TFCP2L1: variants seen among roughly 807,000 people sequenced by gnomAD.
TFCP2L1 encodes transcription factor CP2 like 1, also known as transcription factor CP2-like protein 1.
In TFCP2L1, 12 loss-of-function variants were observed where a neutral mutation model predicts 72.2. That is an observed-to-expected ratio of 0.17 (90% CI 0.11 to 0.27). The LOEUF is 0.27. Among genes scored for constraint, TFCP2L1 ranks in the 10% least tolerant of loss-of-function variants. The pLI, the probability that TFCP2L1 is intolerant of heterozygous loss-of-function variation, is 1.00. For missense variants in TFCP2L1, 488 were observed against 624.6 expected, an observed-to-expected ratio of 0.78 and a Z score of 2.33; for synonymous variants, 260 against 251.0, an observed-to-expected ratio of 1.04 and a Z score of -0.34.
At chr2:121,275,398 CAA>C (rs575514638) in intron 2 of TFCP2L1, among the ~76,000 whole-genome samples, 7 of 65,730 alleles carry the variant, frequency 1.1e-4, no homozygotes, top group Non-Finnish European at 1.0e-4. Context: ...GACTCCATCT[CAA>C]AAAAAAAAAA....
At chr2:121,283,054 T>C (rs1384668030) in intron 1 of TFCP2L1, among the ~76,000 whole-genome samples, 1 of 152,204 alleles carries the variant, frequency 6.6e-6, no homozygotes, top group Non-Finnish European at 1.5e-5. Context: ...GAGGATTGCA[T>C]AATTTCATGT....
Position 121,248,246 on chromosome 2 carries a change from A to G in TFCP2L1, c.422T>C (p.Leu141Ser). ...DIDIPLSVGI[L>S]DPRASPTQLN... ...CTGGGTCGGGCTGGCCCTGGGGTCC[A>G]AGATACCAACAGACAGTGGAATATC... The change falls in exon 5 of 15, where the codon TTG (leucine) becomes TCG (serine). Residue 141 changes from leucine to serine, a missense_variant. By Grantham distance (145) the Leu-to-Ser change is moderately radical (BLOSUM62 -2). Around this residue, in one of 3 missense-constraint regions of TFCP2L1, gnomAD observed 129 missense variants for 236.0 expected, o/e 0.55. Transcript: ENST00000263707. The G allele has an allele frequency of 6.2e-7, 1 of 1,614,040 alleles. No individual in the cohort carries two copies. Among genetic ancestry groups the G allele is most frequent in the Non-Finnish European group, 8.5e-7 (1 of 1,179,998 alleles).
chr2:121,269,918 A>AAAAAAAAAAAAAATATATAT lies in TFCP2L1; in HGVS notation c.214+11201_214+11202insATATATATTTTTTTTTTTTT. On this transcript the variant is annotated intron_variant, in intron 2 of 14. Transcript: ENST00000263707. ...AGCAAGACTCCATCTAAAAAAAAAA[A>AAAAAAAAAAAAAATATATAT]ATATATATATATATATATGCAAAAG... is the stretch of plus-strand genomic sequence containing the variant. Among the ~76,000 whole-genome samples the AAAAAAAAAAAAAATATATAT allele has an allele frequency of 7.8e-5, 9 of 115,160 alleles. No individual in the cohort carries two copies. In the South Asian group the frequency reaches 1.2e-3, roughly 16 times the overall value. The allele number at this position is 115,160 out of a possible 152,430, so 75.5% of individuals were successfully genotyped here.
chr2:121,282,640 G>T (rs1341448777), intron 1 of TFCP2L1, among the ~76,000 whole-genome samples: 27 of 152,158 alleles, frequency 1.8e-4, no homozygotes, highest in Admixed American at 1.8e-3. Flanking sequence ...CTTGTGTAAG[G>T]TCTCTAAATT....
Position 121,242,437 on chromosome 2 carries a change from G to T in TFCP2L1, c.690C>A (p.Asp230Glu), listed in dbSNP as rs776942618. ...CAGTTCTTTTCTCCATCTTCTCCCG[G>T]TCAGTCTTCTGTTTCCGATCGGCTC... ...PKGADRKQKT[D>E]REKMEKRTAQ... The change falls in exon 7 of 15, where the codon GAC (aspartate) becomes GAA (glutamate). Residue 230 changes from aspartate (D) to glutamate (E), a missense_variant. Asp to Glu is a conservative substitution (Grantham distance 45). This residue lies in a region of TFCP2L1 where 286 missense variants were observed against 329.0 expected (regional missense o/e 0.87). Coordinates refer to ENST00000263707, the MANE Select transcript of TFCP2L1 (RefSeq NM_014553.3). 1.2e-6 allele frequency: 2 copies of T among 1,614,102 alleles called. No homozygotes were observed. Among genetic ancestry groups the T allele is most frequent in the South Asian group, 2.2e-5 (2 of 91,068 alleles).
chr2:121,233,779 A>G (rs1242836092), intron 12 of TFCP2L1, among the ~76,000 whole-genome samples: 1 of 152,204 alleles, frequency 6.6e-6, no homozygotes, highest in Non-Finnish European at 1.5e-5. Flanking sequence ...GGAAACAAAA[A>G]GCTCCAGGGT....
intron 10 of TFCP2L1, 52 bp from the exon 11 acceptor site, chr2:121,235,363 C>G: frequency 6.3e-7 from 1 of 1,594,104 alleles, no homozygotes; most frequent in Non-Finnish European, 8.6e-7. Context: ...AGAGAAAGGG[C>G]TCGGTCCCCA....
intron 14 of TFCP2L1, 47 bp from the exon 15 acceptor site, chr2:121,224,434 G>A (rs1471011249): frequency 6.2e-7 from 1 of 1,604,162 alleles, no homozygotes; most frequent in South Asian, 1.1e-5. Flanking sequence ...AAAAGGTGCA[G>A]TGCCACAGTA....
chr2:121,237,425 A>T (rs926277930), intron 10 of TFCP2L1, among the ~76,000 whole-genome samples, 198 bp downstream of exon 10: 1 of 152,070 alleles, frequency 6.6e-6, no homozygotes, highest in Non-Finnish European at 1.5e-5. Flanking sequence ...CTCACTTGGG[A>T]CCTTCTGGGG....
In TFCP2L1 at chr2:121,219,069, CG is replaced by C. The variant is rs1273078374; in HGVS notation, c.*5271del. On this transcript the variant is annotated 3_prime_UTR_variant, in exon 15 of 15. Coordinates refer to ENST00000263707, the MANE Select transcript of TFCP2L1 (RefSeq NM_014553.3). ...GATGACACAGAGCATGCAACCCGAG[CG>C]GAAGTGCCTGTGTGAAGCCAGTCAT... 1 of 152,290 alleles carries C rather than the reference CG, an allele frequency of 6.6e-6. No homozygotes were observed. Among genetic ancestry groups the C allele is most frequent in the Admixed American group, 6.5e-5 (1 of 15,284 alleles). The allele number at this position is 152,290 out of a possible 1,614,324, so 9.4% of individuals were successfully genotyped here. A position where few individuals can be genotyped will look rare whatever the true frequency, so the allele number is the denominator to read the frequency against.
chr2:121,258,367 G>A (rs1027547507), intron 2 of TFCP2L1, among the ~76,000 whole-genome samples: 6 of 152,146 alleles, frequency 3.9e-5, no homozygotes, highest in African/African-American at 7.2e-5. Context: ...CAGCTTAGGC[G>A]CTAAAAAATC....
In TFCP2L1 at chr2:121,218,587, T is replaced by C. The variant is rs1370516248; in HGVS notation, c.*5754A>G. 1 of 152,296 alleles carries C rather than the reference T, an allele frequency of 6.6e-6. No individual in the cohort carries two copies. Among genetic ancestry groups the C allele is most frequent in the African/African-American group, 2.4e-5 (1 of 41,434 alleles). 9.4% of individuals were successfully genotyped at this position (152,296 alleles called of 1,614,324 possible). On this transcript the variant is annotated 3_prime_UTR_variant, in exon 15 of 15. Transcript: ENST00000263707. ...CACTCTGGCCCTTCGCTGGGGGACA[T>C]GGTTTGGTTTCCCCATCGCCAGGCT...
At chr2:121,231,129 T>C (rs1355919349) in intron 13 of TFCP2L1, among the ~76,000 whole-genome samples, 1 of 152,096 alleles carries the variant, frequency 6.6e-6, no homozygotes, top group East Asian at 1.9e-4. Flanking sequence ...ACCCACATCA[T>C]ATAGAGGCAG....
At chr2:121,255,566 G>A (rs1451283760) in intron 2 of TFCP2L1, among the ~76,000 whole-genome samples, 1 of 152,184 alleles carries the variant, frequency 6.6e-6, no homozygotes, top group African/African-American at 2.4e-5. Flanking sequence ...AAGTTCCAGA[G>A]AGGTGAAGTG....
intron 2 of TFCP2L1, among the ~76,000 whole-genome samples, chr2:121,256,311 A>T (rs1318705888): frequency 6.6e-6 from 1 of 152,232 alleles, no homozygotes; most frequent in Non-Finnish European, 1.5e-5. Flanking sequence ...TGGTTTTGGC[A>T]CGGGGAGAAA....
intron 11 of TFCP2L1, among the ~76,000 whole-genome samples, chr2:121,234,566 G>A (rs781615231): frequency 3.3e-5 from 5 of 152,326 alleles, no homozygotes; most frequent in African/African-American, 4.8e-5. Context: ...ACTGAGGCTC[G>A]GAGGGCAAAG....
intron 2 of TFCP2L1, among the ~76,000 whole-genome samples, chr2:121,278,332 G>A (rs1015002015): frequency 1.3e-5 from 2 of 149,126 alleles, no homozygotes; most frequent in African/African-American, 2.5e-5. Flanking sequence ...CACTGCGCCC[G>A]GCCCTTTTTC....
chr2:121,279,457 C>CTAA (rs1413161384), intron 2 of TFCP2L1, among the ~76,000 whole-genome samples: 1 of 152,172 alleles, frequency 6.6e-6, no homozygotes, highest in Non-Finnish European at 1.5e-5. Context: ...TGAGGGAGCT[C>CTAA]GGCTGAGCAA....
intron 6 of TFCP2L1, among the ~76,000 whole-genome samples, chr2:121,245,743 G>C (rs558061432): frequency 1.8e-4 from 27 of 152,322 alleles, no homozygotes; most frequent in African/African-American, 6.3e-4. Flanking sequence ...GGCTCTGTGA[G>C]AAATGGCACC....
Sources: gnomAD v4.1 joint callset for allele counts (sites outside exome capture counted in the v4.1 genomes callset) on GRCh38, gnomAD v4.1.1 for gene constraint, gnomAD v4.1.1 regional missense constraint, MANE v1.5 for transcripts, NCBI Gene and HGNC (gene_info 2026-07-23, HGNC 2026-07-21) for gene names.